The following C8orf89 variants were observed in gnomAD, a reference collection of about 807,000 sequenced individuals.
C8orf89 encodes the protein putative uncharacterized protein C8orf89.
Under a neutral mutation model 15.8 loss-of-function variants are expected in C8orf89, and 14 were observed. The ratio of observed to expected loss-of-function variants is 0.89; its 90% CI spans 0.59 to 1.39. The LOEUF (loss-of-function observed/expected upper bound fraction) is 1.39, where lower values mean the gene tolerates loss of function less well. Ranked by LOEUF, C8orf89 falls within the 40% of genes most tolerant of loss-of-function variation. The probability of loss-of-function intolerance (pLI) is 0.00; values close to 1 mark genes in which losing one functional copy is unlikely to be tolerated. For missense variants in C8orf89, 181 were observed against 184.5 expected (o/e 0.98, Z 0.11); for synonymous variants, 55 against 62.2 (o/e 0.88, Z 0.54).
rs746689876 is a variant in C8orf89, at chr8:73,256,726, C to CAGAAAA, written c.281+246_281+247insTTTTCT. On this transcript the variant is annotated intron_variant, in intron 2 of 3. Transcript: ENST00000624510. ...CTGGCAAAACAGCGAGACTCTGTCT[C>CAGAAAA]AAAAAAAAAAAAAAAAAAAAAAAGC... Among the ~76,000 whole-genome samples the CAGAAAA allele has an allele frequency of 5.9e-3, 258 of 43,714 alleles. 4 individuals carry two copies. The highest frequency in any genetic ancestry group is 0.019 in the African/African-American group (247 of 12,724). The allele number at this position is 43,714 out of a possible 152,430, so 28.7% of individuals were successfully genotyped here.
chr8:73,284,072 C>T, the C8orf89 span, among the ~76,000 whole-genome samples: 3 of 151,712 alleles, frequency 2.0e-5, no homozygotes, highest in Admixed American at 6.6e-5. Flanking sequence ...AAAAGAATGC[C>T]TATTGTTGCA....
the C8orf89 span, among the ~76,000 whole-genome samples, chr8:73,285,392 T>A: frequency 3.5e-3 from 538 of 152,334 alleles, 4 homozygotes; most frequent in African/African-American, 0.013. Context: ...CAGGTCCCCA[T>A]GCTCAGATGT....
At chr8:73,258,563 T>C (rs767680766) in intron 1 of C8orf89, among the ~76,000 whole-genome samples, 18 of 152,188 alleles carry the variant, frequency 1.2e-4, no homozygotes, top group Non-Finnish European at 2.5e-4. Flanking sequence ...CTAGTCTTCA[T>C]TGAGCAGCTA....
At chr8:73,273,995 A>G in the C8orf89 span, among the ~76,000 whole-genome samples, 4,740 of 152,172 alleles carry the variant, frequency 0.031, 246 homozygotes, top group African/African-American at 0.11. Flanking sequence ...CATCCAAATT[A>G]TGCTTTTCTG....
chr8:73,243,317 A>G (rs1257615017), intron 3 of C8orf89, among the ~76,000 whole-genome samples: 1 of 152,184 alleles, frequency 6.6e-6, no homozygotes, highest in East Asian at 1.9e-4. Flanking sequence ...GTATAATTTG[A>G]TTGTTTGTAA....
upstream of C8orf89, among the ~76,000 whole-genome samples, chr8:73,264,105 A>C (rs1813578014): frequency 6.6e-6 from 1 of 152,200 alleles, no homozygotes; most frequent in South Asian, 2.1e-4. Flanking sequence ...GCTTAGGAAC[A>C]CTGAACAGCA....
At chr8:73,254,327 C>T (rs942340251) in intron 2 of C8orf89, among the ~76,000 whole-genome samples, 87 of 152,008 alleles carry the variant, frequency 5.7e-4, no homozygotes, top group Middle Eastern at 3.4e-3. Context: ...CTGCTGGATT[C>T]GTTTTGCCAG....
upstream of C8orf89, among the ~76,000 whole-genome samples, chr8:73,263,824 A>G (rs1039249873): frequency 1.3e-5 from 2 of 152,192 alleles, no homozygotes; most frequent in Non-Finnish European, 2.9e-5. Context: ...TATATTGGTG[A>G]TGGTTAAGTT....
chr8:73,261,814 G>A (rs1219518901), upstream of C8orf89, among the ~76,000 whole-genome samples: 1 of 152,084 alleles, frequency 6.6e-6, no homozygotes, highest in Non-Finnish European at 1.5e-5. Flanking sequence ...GGTTCCAAAG[G>A]CCTGTTTTGG....
chr8:73,257,137 A>T lies in C8orf89; in HGVS notation c.128-11T>A, dbSNP rs78146162. 2.2e-3 allele frequency: 3,266 copies of T among 1,497,400 alleles called. 66 individuals carry two copies. In the African/African-American group the frequency reaches 0.039, roughly 18 times the overall value. The allele number at this position is 1,497,400 out of a possible 1,614,324, so 92.8% of individuals were successfully genotyped here. ...ATGCTGTGGTATATTCTGGTTAAAA[A>T]TATATAAGAATCATCTTGATTAAAT... On this transcript the variant is annotated splice_polypyrimidine_tract_variant and intron_variant, in intron 1 of 3. Coordinates refer to ENST00000624510, the MANE Select transcript of C8orf89 (RefSeq NM_001243237.3).
chr8:73,250,379 A>T (rs1813221903), intron 2 of C8orf89, 56 bp from the exon 3 acceptor site: 2 of 1,000,716 alleles, frequency 2.0e-6, no homozygotes, highest in Non-Finnish European at 3.0e-6. Flanking sequence ...GGCACAATGA[A>T]ACTCACTTGT....
the C8orf89 span, among the ~76,000 whole-genome samples, chr8:73,284,920 T>C: frequency 1.3e-5 from 2 of 152,242 alleles, no homozygotes; most frequent in African/African-American, 4.8e-5. Flanking sequence ...GACTCCAGTT[T>C]TTATGATGTC....
chr8:73,251,283 A>C (rs934080844), intron 2 of C8orf89, among the ~76,000 whole-genome samples: 1 of 152,224 alleles, frequency 6.6e-6, no homozygotes, highest in Non-Finnish European at 1.5e-5. Flanking sequence ...GAGGGAAAAA[A>C]GAGAGTAAGG....
chr8:73,285,732 C>A, the C8orf89 span, among the ~76,000 whole-genome samples: 6 of 152,220 alleles, frequency 3.9e-5, no homozygotes, highest in Non-Finnish European at 5.9e-5. Context: ...AGTGTGGGAG[C>A]CAGCGGCAGC....
In C8orf89 at chr8:73,259,326, A is replaced by G; in HGVS notation, c.127+6T>C. ...TTCTTAAGGAAAATAATAACAATAA[A>G]GTTACCTTTCTTAATCTTTTGTGTT... On this transcript the variant is annotated splice_donor_region_variant and intron_variant, in intron 1 of 3. Transcript: ENST00000624510. 6.8e-7 allele frequency: 1 copy of G among 1,477,412 alleles called. No homozygotes were observed. 91.5% of individuals were successfully genotyped at this position (1,477,412 alleles called of 1,614,324 possible). A position where few individuals can be genotyped will look rare whatever the true frequency, so the allele number is the denominator to read the frequency against.
chr8:73,275,442 C>T, the C8orf89 span, among the ~76,000 whole-genome samples: 3 of 151,826 alleles, frequency 2.0e-5, no homozygotes, highest in East Asian at 1.9e-4. Flanking sequence ...TTCACCATGT[C>T]GGCCAGGCGG....
chr8:73,277,554 C>T, the C8orf89 span: 1 of 763,370 alleles, frequency 1.3e-6, no homozygotes, highest in Non-Finnish European at 2.4e-6. Flanking sequence ...AGCCTCCATT[C>T]CAGGCTCAGA....
chr8:73,248,423 GCT>G (rs71268001), intron 3 of C8orf89, among the ~76,000 whole-genome samples: 8,269 of 152,108 alleles, frequency 0.054, 264 homozygotes, highest in South Asian at 0.08. Flanking sequence ...GGCTATTTTG[GCT>G]CTTTTTTGGT....
intron 1 of C8orf89, among the ~76,000 whole-genome samples, chr8:73,259,125 T>C (rs1370508636): frequency 1.3e-5 from 2 of 152,154 alleles, no homozygotes; most frequent in African/African-American, 2.4e-5. Context: ...GAAATACAGC[T>C]CTTTAAAATT....
Sources: gnomAD v4.1 joint callset for allele counts (sites outside exome capture counted in the v4.1 genomes callset) on GRCh38, gnomAD v4.1.1 for gene constraint, MANE v1.5 for transcripts, NCBI Gene and HGNC (gene_info 2026-07-23, HGNC 2026-07-21) for gene names.